Variants in NCDN observed in about 807,000 individuals in gnomAD.
NCDN encodes the protein norbin.
A neutral mutation model predicts 60.7 loss-of-function variants in NCDN; 9 were observed. That is an observed-to-expected ratio of 0.15 (90% CI 0.09 to 0.26). The LOEUF (loss-of-function observed/expected upper bound fraction) is 0.26, where lower values mean the gene tolerates loss of function less well. Ranked by LOEUF, NCDN falls within the 10% of genes least tolerant of loss-of-function variation. NCDN has a pLI of 1.00. For missense variants in NCDN, 578 were observed against 975.2 expected (o/e 0.59, Z 5.42); for synonymous variants, 409 against 442.5 (o/e 0.92, Z 0.95).
chr1:35,561,478 A>G lies in NCDN; in HGVS notation c.1143+184A>G, dbSNP rs533631194. 6.6e-6 allele frequency among the ~76,000 whole-genome samples: 1 copy of G among 152,060 alleles called. No homozygotes were observed. Among genetic ancestry groups the G allele is most frequent in the African/African-American group, 2.4e-5 (1 of 41,458 alleles). ...CCTCCCTCTCTCTCCCTCCCTCCAC[A>G]CAAGCACCATACCACACACCATATG... On this transcript the variant is annotated intron_variant, in intron 3 of 6. Coordinates refer to ENST00000373243, the MANE Select transcript of NCDN (RefSeq NM_014284.3). The surrounding 1 kb of genome is among the most constrained non-coding windows in gnomAD (Gnocchi z 4.9).
In NCDN at chr1:35,562,126, G is replaced by A. The variant is rs141605866; in HGVS notation, c.1144-266G>A. 6.1e-3 allele frequency among the ~76,000 whole-genome samples: 929 copies of A among 152,226 alleles called. 14 individuals are homozygous for A. Among genetic ancestry groups the A allele is most frequent in the African/African-American group, 0.018 (764 of 41,538 alleles). On this transcript the variant is annotated intron_variant, in intron 3 of 6. Coordinates refer to ENST00000373243, the MANE Select transcript of NCDN (RefSeq NM_014284.3). The surrounding 1 kb of genome is among the most constrained non-coding windows in gnomAD (Gnocchi z 6.8). ...GTGACTGGAGCCTCAGCGAGTACGG[G>A]GGCATGTCACTCAATTCACTCAGGC...
intron 6 of NCDN, among the ~76,000 whole-genome samples, chr1:35,564,238 T>C (rs1648799322): frequency 6.6e-6 from 1 of 152,154 alleles, no homozygotes; most frequent in African/African-American, 2.4e-5. Flanking sequence ...CACCCAGGCC[T>C]TGAGTCAGAA....
Position 35,560,613 on chromosome 1 carries a change from C to T in NCDN, c.462C>T (p.Asp154=). 6.2e-7 allele frequency: 1 copy of T among 1,613,688 alleles called. No homozygotes were observed. The highest frequency in any genetic ancestry group is 1.3e-5 in the African/African-American group (1 of 75,078). ...CTGCCCGCCGCTCCATGATTGATGA[C>T]ACCTACCAGTGCCTGACGGCTGTAG... ...DDAARRSMID[D]TYQCLTAVAG... is the part of the protein sequence containing the mutation. Residue 154 remains aspartate, a synonymous_variant, in exon 3 of 7, where the codon GAC becomes GAT. Transcript: ENST00000373243. This position sits in a 1 kb window ranked among gnomAD's most constrained non-coding sequence, Gnocchi z 7.6.
Position 35,559,092 on chromosome 1 carries a change from C to T in NCDN, c.34-15C>T, listed in dbSNP as rs1571082198. 1 of 1,611,562 alleles carries T rather than the reference C, an allele frequency of 6.2e-7. No homozygotes were observed. Among genetic ancestry groups the T allele is most frequent in the Non-Finnish European group, 8.5e-7 (1 of 1,179,264 alleles). On this transcript the variant is annotated splice_polypyrimidine_tract_variant and intron_variant, in intron 1 of 6. Transcript: ENST00000373243. ...TCCTCTGCAGAGGGATGCTCAGTCC[C>T]TCTTGTGTTCACAGTTGGGCAAGGC...
rs1365181265 is a variant in NCDN at position 35,562,925 on chromosome 1, G to A, written c.1386-277G>A. Among the ~76,000 whole-genome samples, 2 of 152,166 alleles carry A rather than the reference G, an allele frequency of 1.3e-5. No homozygotes were observed. The highest frequency in any genetic ancestry group is 2.1e-4 in the South Asian group (1 of 4,832). ...ACCAAAATGATCTCATTTGGTCCAC[G>A]TGGTAAATATAACAGAAGTCTCATT... On this transcript the variant is annotated intron_variant, in intron 4 of 6. Transcript: ENST00000373243. This position sits in a 1 kb window ranked among gnomAD's most constrained non-coding sequence, Gnocchi z 6.8.
chr1:35,561,200 G>T lies in NCDN; in HGVS notation c.1049G>T (p.Arg350Leu). Residue 350 changes from arginine (R) to leucine (L), a missense_variant, in exon 3 of 7, where the codon CGC becomes CTC. Coordinates refer to ENST00000373243, the MANE Select transcript of NCDN (RefSeq NM_014284.3). This position sits in a 1 kb window ranked among gnomAD's most constrained non-coding sequence, Gnocchi z 4.9. ...LMELGIQECTRCEQSLLKEPQ... is the reference protein window; with the variant it reads ...LMELGIQECTLCEQSLLKEPQ... Reference sequence around the variant, plus strand: ...GAGTTGGGGATCCAGGAATGCACTCGCTGTGAGCAGTCACTGCTTAAGGAG... The same window carrying T: ...GAGTTGGGGATCCAGGAATGCACTCTCTGTGAGCAGTCACTGCTTAAGGAG... 1 of 1,608,604 alleles carries T rather than the reference G, an allele frequency of 6.2e-7. No homozygotes were observed. The highest frequency in any genetic ancestry group is 8.5e-7 in the Non-Finnish European group (1 of 1,177,868).
At chr1:35,564,791 G>T (rs1367790148) in intron 6 of NCDN, among the ~76,000 whole-genome samples, 1 of 152,154 alleles carries the variant, frequency 6.6e-6, no homozygotes, top group Non-Finnish European at 1.5e-5. Flanking sequence ...GCAAAGCAGG[G>T]TCACTTGCTT....
In NCDN at chr1:35,560,487, C is replaced by G. The variant is rs1383428874; in HGVS notation, c.336C>G (p.Ala112=). The G allele has an allele frequency of 6.2e-7, 1 of 1,613,998 alleles. No individual in the cohort carries two copies. The highest frequency in any genetic ancestry group is 1.1e-5 in the South Asian group (1 of 91,084). ...VLRALGVALL[A]CFCSDPELAA... The stretch of plus-strand genomic sequence containing the variant: ...GGGCTTTGGGTGTGGCCCTGCTGGC[C>G]TGCTTCTGCAGTGACCCTGAACTGG... Residue 112 remains alanine (A), a synonymous_variant, in exon 3 of 7, where the codon GCC becomes GCG. Coordinates refer to ENST00000373243, the MANE Select transcript of NCDN (RefSeq NM_014284.3). The surrounding 1 kb of genome is among the most constrained non-coding windows in gnomAD (Gnocchi z 7.6).
chr1:35,560,777 A>C lies in NCDN; in HGVS notation c.626A>C (p.Gln209Pro). 1 of 1,613,068 alleles carries C rather than the reference A, an allele frequency of 6.2e-7. No individual in the cohort carries two copies. Among genetic ancestry groups the C allele is most frequent in the Non-Finnish European group, 8.5e-7 (1 of 1,179,994 alleles). The change falls in exon 3 of 7, where the codon CAG becomes CCG. Residue 209 changes from glutamine (Q) to proline (P), a missense_variant. Transcript: ENST00000373243. This position sits in a 1 kb window ranked among gnomAD's most constrained non-coding sequence, Gnocchi z 7.6. The stretch of plus-strand genomic sequence containing the variant: ...GGGCTGCTGGCTGCTGCCGAGACAC[A>C]GTGCTGGAAGGAGGCGGAGCCCGAC... ...LVGLLAAAET[Q>P]CWKEAEPDLL...
chr1:35,564,037 T>C, intron 6 of NCDN, 128 bp downstream of exon 6: 2 of 1,165,098 alleles, frequency 1.7e-6, no homozygotes, highest in Non-Finnish European at 2.4e-6. Context: ...AGGAAATCTT[T>C]GCAGTGTATC....
At position 35,557,814 on chromosome 1, in the gene NCDN, G is replaced by T. The variant is rs2148533612; in HGVS notation, c.-377G>T. 1 of 525,390 alleles carries T rather than the reference G, an allele frequency of 1.9e-6. No individual in the cohort carries two copies. Among genetic ancestry groups the T allele is most frequent in the Non-Finnish European group, 3.7e-6 (1 of 272,694 alleles). The allele number at this position is 525,390 out of a possible 1,614,324, so 32.5% of individuals were successfully genotyped here. On this transcript the variant is annotated 5_prime_UTR_variant, in exon 1 of 7. Transcript: ENST00000373243. ...TGGAGCCAGGAGTGGGCAACGCGGC[G>T]TGAGCAGCGGCCCGAGGCTCCCGGA... is the stretch of plus-strand genomic sequence containing the variant.
chr1:35,558,587 G>C lies in NCDN; in HGVS notation c.33+364G>C, dbSNP rs964380995. The C allele has an allele frequency of 1.0e-4, 129 of 1,231,302 alleles. 1 individual carries two copies. The African/African-American group carries it at 1.8e-3, about 17-fold the overall frequency. The allele number at this position is 1,231,302 out of a possible 1,614,324, so 76.3% of individuals were successfully genotyped here. A position where few individuals can be genotyped will look rare whatever the true frequency, so the allele number is the denominator to read the frequency against. On this transcript the variant is annotated intron_variant, in intron 1 of 6. Transcript: ENST00000373243. This position sits in a 1 kb window ranked among gnomAD's most constrained non-coding sequence, Gnocchi z 6.3. ...TTGAGCGTCTTGTATTCTCACTTCT[G>C]AAGCGTATCTCTGCCTCTGAAGAAG...
chr1:35,563,864 G>A lies in NCDN; in HGVS notation c.1708G>A (p.Ala570Thr). The change falls in exon 6 of 7, where the codon GCC becomes ACC. Residue 570 changes from alanine to threonine, a missense_variant. Physicochemically the swap from Ala to Thr is moderately conservative, Grantham distance 58. This residue lies in a region of NCDN where 191 missense variants were observed against 372.1 expected (regional missense o/e 0.51). Coordinates refer to ENST00000373243, the MANE Select transcript of NCDN (RefSeq NM_014284.3). The surrounding 1 kb of genome is among the most constrained non-coding windows in gnomAD (Gnocchi z 6.6). ...QGRLLLAANV[A>T]TLGLLMARLL... The stretch of plus-strand genomic sequence containing the variant: ...AAGGCTGCTTCTGGCTGCTAATGTG[G>A]CCACCCTGGGGCTCCTCATGGCCCG... 6.2e-7 allele frequency: 1 copy of A among 1,614,090 alleles called. No homozygotes were observed. The highest frequency in any genetic ancestry group is 8.5e-7 in the Non-Finnish European group (1 of 1,180,016).
In NCDN at chr1:35,565,988, G is replaced by A; in HGVS notation, c.*325G>A. 1 of 329,044 alleles carries A rather than the reference G, an allele frequency of 3.0e-6. No individual in the cohort carries two copies. The highest frequency in any genetic ancestry group is 5.7e-6 in the Non-Finnish European group (1 of 175,272). The allele number at this position is 329,044 out of a possible 1,614,324, so 20.4% of individuals were successfully genotyped here. On this transcript the variant is annotated 3_prime_UTR_variant, in exon 7 of 7. Coordinates refer to ENST00000373243, the MANE Select transcript of NCDN (RefSeq NM_014284.3). The surrounding 1 kb of genome is among the most constrained non-coding windows in gnomAD (Gnocchi z 8.9). The stretch of plus-strand genomic sequence containing the variant: ...CCCGATGTCTGGCTCCCCTGCAGGA[G>A]GGAGGCTCCAGGGTAAGACAGGGCT...
chr1:35,565,441 C>T lies in NCDN; in HGVS notation c.1968C>T (p.Pro656=), dbSNP rs543753358. 1.2e-4 allele frequency: 186 copies of T among 1,611,330 alleles called. No homozygotes were observed. The highest frequency in any genetic ancestry group is 4.2e-4 in the East Asian group (19 of 44,800). ...GCVPLLPWLA[P]AALRSRWPQE... ...TGCCTCTGCTGCCCTGGCTGGCCCC[C>T]GCTGCCCTGCGCTCCCGCTGGCCGC... The change falls in exon 7 of 7, where the codon CCC becomes CCT. Residue 656 remains proline (P), a synonymous_variant. Coordinates refer to ENST00000373243, the MANE Select transcript of NCDN (RefSeq NM_014284.3). This position sits in a 1 kb window ranked among gnomAD's most constrained non-coding sequence, Gnocchi z 8.9.
chr1:35,566,105 C>T lies in NCDN; in HGVS notation c.*442C>T, dbSNP rs1270682159. 1.1e-5 allele frequency: 2 copies of T among 184,940 alleles called. No homozygotes were observed. The highest frequency in any genetic ancestry group is 2.4e-5 in the African/African-American group (1 of 41,878). 11.5% of individuals were successfully genotyped at this position (184,940 alleles called of 1,614,324 possible). A position where few individuals can be genotyped will look rare whatever the true frequency, so the allele number is the denominator to read the frequency against. The stretch of plus-strand genomic sequence containing the variant: ...TGCCTCCTCTGGCCCCCCAGGTCCA[C>T]GTCCTTTAAATTGGCCCTTTGGCTC... On this transcript the variant is annotated 3_prime_UTR_variant, in exon 7 of 7. Coordinates refer to ENST00000373243, the MANE Select transcript of NCDN (RefSeq NM_014284.3). The surrounding 1 kb of genome is among the most constrained non-coding windows in gnomAD (Gnocchi z 5.3).
chr1:35,560,874 C>T lies in NCDN; in HGVS notation c.723C>T (p.Cys241=), dbSNP rs2148537809. The T allele has an allele frequency of 1.2e-6, 2 of 1,614,184 alleles. No homozygotes were observed. Among genetic ancestry groups the T allele is most frequent in the Non-Finnish European group, 8.5e-7 (1 of 1,180,026 alleles). The part of the protein sequence containing the change: ...KAEDASKFEL[C]QLLPLFLPPT... The stretch of plus-strand genomic sequence containing the variant: ...AGGATGCCAGCAAGTTTGAGCTCTG[C>T]CAGCTGCTGCCCCTCTTTTTGCCCC... The change falls in exon 3 of 7, where the codon TGC becomes TGT. Residue 241 remains cysteine, a synonymous_variant. Coordinates refer to ENST00000373243, the MANE Select transcript of NCDN (RefSeq NM_014284.3). This position sits in a 1 kb window ranked among gnomAD's most constrained non-coding sequence, Gnocchi z 7.6.
chr1:35,563,793 T>C lies in NCDN; in HGVS notation c.1637T>C (p.Met546Thr). 6.2e-7 allele frequency: 1 copy of C among 1,614,018 alleles called. No individual in the cohort carries two copies. The highest frequency in any genetic ancestry group is 8.5e-7 in the Non-Finnish European group (1 of 1,179,996). Reference sequence around the variant, plus strand: ...CGTGACGCCTGCTTCACATCTCTAATGAACACCCTCATGACGTCGCTACCA... The same window carrying C: ...CGTGACGCCTGCTTCACATCTCTAACGAACACCCTCATGACGTCGCTACCA... ...IKRDACFTSL[M>T]NTLMTSLPAL... The change falls in exon 6 of 7, where the codon ATG becomes ACG. Residue 546 changes from methionine (M) to threonine (T), a missense_variant. By Grantham distance (81) the Met-to-Thr change is moderately conservative (BLOSUM62 -1). Transcript: ENST00000373243. The surrounding 1 kb of genome is among the most constrained non-coding windows in gnomAD (Gnocchi z 6.6).
chr1:35,564,840 A>G lies in NCDN; in HGVS notation c.1754-387A>G, dbSNP rs544100685. Among the ~76,000 whole-genome samples the G allele has an allele frequency of 5.3e-5, 8 of 152,032 alleles. No homozygotes were observed. In the East Asian group the frequency reaches 1.6e-3, roughly 30 times the overall value. On this transcript the variant is annotated intron_variant, in intron 6 of 6. Coordinates refer to ENST00000373243, the MANE Select transcript of NCDN (RefSeq NM_014284.3). ...GCGCCCTCTTCTGGCCCAAGGATCA[A>G]ATGGTGCAACTCCCTTAACCTGTGT...
Sources: gnomAD v4.1 joint callset for allele counts (sites outside exome capture counted in the v4.1 genomes callset) on GRCh38, gnomAD v4.1.1 for gene constraint, gnomAD v4.1.1 regional missense constraint, Gnocchi (gnomAD v3.1) non-coding constraint, MANE v1.5 for transcripts, NCBI Gene and HGNC (gene_info 2026-07-23, HGNC 2026-07-21) for gene names.